Variants in FRMD4A observed in about 807,000 individuals in gnomAD.
FRMD4A encodes the protein FERM domain-containing protein 4A.
In FRMD4A, 29 loss-of-function variants were observed where a neutral mutation model predicts 129.1. That is an observed-to-expected ratio of 0.22 (90% CI 0.17 to 0.31). The LOEUF is 0.31. Among genes scored for constraint, FRMD4A ranks in the 10% least tolerant of loss-of-function variants. FRMD4A has a pLI of 1.00. For synonymous variants in FRMD4A, 634 were observed against 571.6 expected, an observed-to-expected ratio of 1.11 and a Z score of -1.56; for missense variants, 1,272 against 1,375.8, an observed-to-expected ratio of 0.92 and a Z score of 1.19.
intron 2 of FRMD4A, among the ~76,000 whole-genome samples, chr10:14,012,003 ACT>A (rs1221079116): frequency 6.7e-6 from 1 of 148,396 alleles, no homozygotes; most frequent in Non-Finnish European, 1.5e-5. Flanking sequence ...ACAGCATGAG[ACT>A]CTGTCTCAAA....
intron 2 of FRMD4A, among the ~76,000 whole-genome samples, chr10:14,167,648 G>A (rs890496782): frequency 6.6e-6 from 1 of 151,780 alleles, no homozygotes; most frequent in Non-Finnish European, 1.5e-5. Context: ...TGGGGGCTTA[G>A]AGTGTGAGGG....
chr10:14,109,777 G>T (rs1391651577), intron 2 of FRMD4A, among the ~76,000 whole-genome samples: 1 of 151,630 alleles, frequency 6.6e-6, no homozygotes, highest in East Asian at 1.9e-4. Context: ...TTTAAGACTA[G>T]CCTGGCCAAC....
intron 2 of FRMD4A, among the ~76,000 whole-genome samples, chr10:14,077,244 T>A (rs867281181): frequency 6.6e-5 from 10 of 152,284 alleles, no homozygotes; most frequent in Middle Eastern, 3.4e-3. Flanking sequence ...AAGAATTATA[T>A]TTTGGTCCTC....
intron 2 of FRMD4A, among the ~76,000 whole-genome samples, chr10:13,868,048 G>T (rs1554948101): frequency 6.7e-6 from 1 of 149,734 alleles, no homozygotes; most frequent in Non-Finnish European, 1.5e-5. Context: ...GAGCCCAGGA[G>T]TTCGAGACCA....
chr10:14,148,589 C>A (rs1166376226), intron 2 of FRMD4A, among the ~76,000 whole-genome samples: 2 of 152,136 alleles, frequency 1.3e-5, no homozygotes, highest in African/African-American at 4.8e-5. Flanking sequence ...TGGTGAAACC[C>A]TGTTTCTACT....
chr10:14,068,737 CACATATTAAG>C (rs1402795230), intron 2 of FRMD4A, among the ~76,000 whole-genome samples: 1 of 152,150 alleles, frequency 6.6e-6, no homozygotes, highest in Non-Finnish European at 1.5e-5. Flanking sequence ...TCAAGATATT[CACATATTAAG>C]ACACTTACTA....
intron 2 of FRMD4A, among the ~76,000 whole-genome samples, chr10:14,246,086 A>G (rs561822233): frequency 6.6e-6 from 1 of 152,316 alleles, no homozygotes; most frequent in South Asian, 2.1e-4. Flanking sequence ...GGGGCTCCTC[A>G]GATGCTCCCA....
At chr10:14,065,302 G>C (rs1835003176) in intron 2 of FRMD4A, among the ~76,000 whole-genome samples, 1 of 152,118 alleles carries the variant, frequency 6.6e-6, no homozygotes, top group Non-Finnish European at 1.5e-5. Context: ...TCATGCCTCA[G>C]CCTCCCGAGT....
intron 3 of FRMD4A, among the ~76,000 whole-genome samples, chr10:13,855,314 A>G (rs2094198193): frequency 6.6e-6 from 1 of 152,144 alleles, no homozygotes. Context: ...TTTCTCGCCC[A>G]ACACTGATGC....
At chr10:14,320,595 C>G (rs1329789) in intron 2 of FRMD4A, among the ~76,000 whole-genome samples, 44,262 of 152,212 alleles carry the variant, frequency 0.29, 6,494 homozygotes, top group Admixed American at 0.32. Flanking sequence ...TCTTCAAATG[C>G]CTTGTTAGTA....
chr10:14,084,912 G>A (rs1374678423), intron 2 of FRMD4A, among the ~76,000 whole-genome samples: 1 of 152,114 alleles, frequency 6.6e-6, no homozygotes, highest in Non-Finnish European at 1.5e-5. Context: ...GTGCTTCCCC[G>A]CATGGCCCTG....
intron 2 of FRMD4A, among the ~76,000 whole-genome samples, chr10:14,029,261 G>A (rs1046753424): frequency 1.3e-5 from 2 of 150,774 alleles, no homozygotes; most frequent in African/African-American, 4.9e-5. Flanking sequence ...CTCGGTGGTG[G>A]GGTGGGAATT....
chr10:14,198,533 A>G (rs1361437890), intron 2 of FRMD4A, among the ~76,000 whole-genome samples: 2 of 152,208 alleles, frequency 1.3e-5, no homozygotes, highest in Admixed American at 1.3e-4. Context: ...ATTTCACAGG[A>G]GACTTGACTG....
In FRMD4A at chr10:13,984,002, CA is replaced by C. The variant is rs758118474; in HGVS notation, c.46-125091del. On this transcript the variant is annotated intron_variant, in intron 2 of 24. Transcript: ENST00000357447. The stretch of plus-strand genomic sequence containing the variant: ...TGGGTGGCAGAAGGAGACTCTGTCT[CA>C]AAAAAAAAACAACTGGGAACCACGG... Among the ~76,000 whole-genome samples the C allele has an allele frequency of 1.6e-4, 23 of 141,870 alleles. No homozygotes were observed. In the South Asian group the frequency reaches 2.0e-3, roughly 12 times the overall value. The allele number at this position is 141,870 out of a possible 152,430, so 93.1% of individuals were successfully genotyped here. A position where few individuals can be genotyped will look rare whatever the true frequency, so the allele number is the denominator to read the frequency against.
At chr10:14,252,927 C>T (rs915652081) in intron 2 of FRMD4A, among the ~76,000 whole-genome samples, 4 of 152,074 alleles carry the variant, frequency 2.6e-5, no homozygotes, top group African/African-American at 9.7e-5. Flanking sequence ...CCTTCTTCTC[C>T]ATTCATTCAT....
intron 2 of FRMD4A, among the ~76,000 whole-genome samples, chr10:14,180,283 G>C (rs1313923424): frequency 6.6e-6 from 1 of 152,192 alleles, no homozygotes; most frequent in Non-Finnish European, 1.5e-5. Context: ...CTGAGATTGA[G>C]AGCATTAAGT....
At chr10:14,052,949 G>A (rs1218069033) in intron 2 of FRMD4A, among the ~76,000 whole-genome samples, 1 of 151,892 alleles carries the variant, frequency 6.6e-6, no homozygotes, top group African/African-American at 2.4e-5. Context: ...GCCAAGCCAT[G>A]CATGAGGGAT....
intron 2 of FRMD4A, among the ~76,000 whole-genome samples, chr10:13,943,021 T>A (rs1159989033): frequency 2.6e-5 from 4 of 152,202 alleles, no homozygotes; most frequent in Non-Finnish European, 4.4e-5. Context: ...TCATGAAATA[T>A]CTGATCATAG....
chr10:14,039,357 T>A (rs1277143647), intron 2 of FRMD4A, among the ~76,000 whole-genome samples: 1 of 89,040 alleles, frequency 1.1e-5, no homozygotes, highest in Non-Finnish European at 2.5e-5. Flanking sequence ...CACTTTCTGA[T>A]CTGTCCGTCC....
Sources: allele counts gnomAD v4.1 joint callset (sites outside exome capture counted in the v4.1 genomes callset), GRCh38; gene constraint gnomAD v4.1.1; transcripts MANE v1.5; gene names NCBI Gene and HGNC (gene_info 2026-07-23, HGNC 2026-07-21).